Variants in KRAS observed in about 807,000 individuals in gnomAD.
The protein encoded by KRAS is KRas proto-oncogene, GTPase, also known as GTPase KRas.
Under a neutral mutation model 21.0 loss-of-function variants are expected in KRAS, and 1 was observed. The observed-to-expected ratio is 0.05, with a 90% confidence interval of 0.02 to 0.23. The LOEUF (loss-of-function observed/expected upper bound fraction) is 0.23. Among genes scored for constraint, KRAS ranks in the 10% least tolerant of loss-of-function variants. The pLI is 1.00. For missense variants in KRAS, 107 were observed against 221.8 expected (o/e 0.48, Z 3.29); for synonymous variants, 67 against 72.5 (o/e 0.92, Z 0.39).
Position 25,249,984 on chromosome 12 carries a change from T to C in KRAS, c.-12+767A>G, listed in dbSNP as rs550341219. Among the ~76,000 whole-genome samples the C allele has an allele frequency of 9.9e-5, 15 of 152,282 alleles. No homozygotes were observed. The South Asian group carries it at 2.3e-3, about 23-fold the overall frequency. On this transcript the variant is annotated intron_variant, in intron 1 of 4. Coordinates refer to ENST00000311936, the MANE Select transcript of KRAS (RefSeq NM_004985.5). The stretch of plus-strand genomic sequence containing the variant: ...CACTGTAGGTCACAGGCTCTACGTG[T>C]AGGGTGTTGGCCACCTGTTCTTCCA...
chr12:25,244,995 G>A (rs1432910098), intron 2 of KRAS, among the ~76,000 whole-genome samples: 1 of 152,098 alleles, frequency 6.6e-6, no homozygotes, highest in Non-Finnish European at 1.5e-5. Context: ...TTTAGGTCCA[G>A]ATAGGATACA....
chr12:25,219,778 T>G (rs1951298792), intron 4 of KRAS, among the ~76,000 whole-genome samples: 1 of 152,210 alleles, frequency 6.6e-6, no homozygotes, highest in Non-Finnish European at 1.5e-5. Context: ...GCACAGTAAC[T>G]GTTCCGTCAA....
At chr12:25,225,797 G>T in intron 3 of KRAS, 24 bp from the exon 4 acceptor site, 1 of 1,603,808 alleles carries the variant, frequency 6.2e-7, no homozygotes, top group African/African-American at 1.3e-5. Context: ...AAAAGTTATA[G>T]CACAGTCATT....
chr12:25,237,273 G>A (rs1388228919), intron 2 of KRAS, among the ~76,000 whole-genome samples: 1 of 152,102 alleles, frequency 6.6e-6, no homozygotes, highest in Admixed American at 6.5e-5. Context: ...AATGGATGTG[G>A]GACTTTTGGG....
intron 2 of KRAS, among the ~76,000 whole-genome samples, chr12:25,239,156 ATTTAT>A (rs1951578745): frequency 6.6e-6 from 1 of 152,082 alleles, no homozygotes; most frequent in Non-Finnish European, 1.5e-5. Context: ...TGTTCATGTT[ATTTAT>A]TTTATTTCTT....
intron 2 of KRAS, among the ~76,000 whole-genome samples, chr12:25,233,635 T>C (rs895675813): frequency 2.6e-5 from 4 of 152,236 alleles, no homozygotes; most frequent in Non-Finnish European, 5.9e-5. Context: ...CTTCATAGCA[T>C]GTATTATAAT....
intron 2 of KRAS, among the ~76,000 whole-genome samples, chr12:25,236,649 G>C (rs749480783): frequency 7.9e-5 from 12 of 152,190 alleles, no homozygotes; most frequent in East Asian, 7.7e-4. Context: ...AGAGAAGAAG[G>C]GGGAGGGAGG....
intron 1 of KRAS, among the ~76,000 whole-genome samples, chr12:25,247,380 C>G (rs146935016): frequency 3.9e-5 from 6 of 152,172 alleles, no homozygotes; most frequent in South Asian, 2.1e-4. Context: ...GTATCACACA[C>G]GGTCACGGCA....
chr12:25,229,765 T>C (rs547927894), intron 2 of KRAS, among the ~76,000 whole-genome samples: 8 of 116,104 alleles, frequency 6.9e-5, no homozygotes, highest in Non-Finnish European at 1.7e-5. Flanking sequence ...ATAGTATTAA[T>C]GTATCTTTTT....
chr12:25,227,186 C>T (rs2141509000), intron 3 of KRAS, 48 bp downstream of exon 3: 3 of 1,421,616 alleles, frequency 2.1e-6, no homozygotes, highest in Non-Finnish European at 3.0e-6. Flanking sequence ...AAAATAAAAA[C>T]TATAATTACT....
chr12:25,209,282 C>T lies in KRAS; in HGVS notation c.*513G>A, dbSNP rs917755335. The T allele has an allele frequency of 1.5e-5, 10 of 656,978 alleles. 1 individual carries two copies. Among genetic ancestry groups the T allele is most frequent in the South Asian group, 8.9e-5 (5 of 56,400 alleles). The allele number at this position is 656,978 out of a possible 1,614,324, so 40.7% of individuals were successfully genotyped here. On this transcript the variant is annotated 3_prime_UTR_variant, in exon 5 of 5. Transcript: ENST00000311936. ...TTTGTGAACAGTGTAACTTTACATT[C>T]ATCAGGGATGACAAACTATAGGACA...
At position 25,209,346 on chromosome 12, in the gene KRAS, TTG is replaced by T; in HGVS notation, c.*447_*448del. On this transcript the variant is annotated 3_prime_UTR_variant, in exon 5 of 5. Coordinates refer to ENST00000311936, the MANE Select transcript of KRAS (RefSeq NM_004985.5). ...AATCATCATCAGGAAGCCCATAAAT[TTG>T]TGTTCCCTCAATGTTTCAGTAAAAA... 1.7e-6 allele frequency: 1 copy of T among 604,128 alleles called. No homozygotes were observed. Among genetic ancestry groups the T allele is most frequent in the East Asian group, 2.9e-5 (1 of 34,260 alleles). The allele number at this position is 604,128 out of a possible 1,614,324, so 37.4% of individuals were successfully genotyped here.
intron 2 of KRAS, among the ~76,000 whole-genome samples, chr12:25,228,666 A>G (rs1017730851): frequency 1.3e-5 from 2 of 152,192 alleles, no homozygotes; most frequent in Admixed American, 6.5e-5. Context: ...GGGATGATAA[A>G]AAAAAGTTCT....
chr12:25,222,901 A>G (rs1024814713), intron 4 of KRAS, among the ~76,000 whole-genome samples: 1 of 152,204 alleles, frequency 6.6e-6, no homozygotes, highest in Non-Finnish European at 1.5e-5. Context: ...AGAAGTGGAC[A>G]GCAACAAAGT....
At chr12:25,229,778 T>C (rs1951441732) in intron 2 of KRAS, among the ~76,000 whole-genome samples, 1 of 151,790 alleles carries the variant, frequency 6.6e-6, no homozygotes. Flanking sequence ...ATCTTTTTTT[T>C]TTTTTTTTGA....
At chr12:25,241,937 T>C (rs1237211730) in intron 2 of KRAS, among the ~76,000 whole-genome samples, 1 of 152,210 alleles carries the variant, frequency 6.6e-6, no homozygotes, top group African/African-American at 2.4e-5. Context: ...CTTATACCAG[T>C]CTTCAGTATC....
chr12:25,225,347 A>G (rs1452339935), intron 4 of KRAS: 11 of 203,216 alleles, frequency 5.4e-5, no homozygotes, highest in Admixed American at 2.4e-4. Flanking sequence ...TAACCATGGG[A>G]AAAAAAAATC....
In KRAS at chr12:25,245,388, C is replaced by T. The variant is rs1273853142; in HGVS notation, c.-4G>A. 1.2e-6 allele frequency: 2 copies of T among 1,608,156 alleles called. No homozygotes were observed. Among genetic ancestry groups the T allele is most frequent in the Non-Finnish European group, 1.7e-6 (2 of 1,176,314 alleles). ...CCACAAGTTTATATTCAGTCATTTT[C>T]AGCAGGCCTTATAATAAAAATAATG... On this transcript the variant is annotated 5_prime_UTR_variant, in exon 2 of 5. Transcript: ENST00000311936.
intron 4 of KRAS, among the ~76,000 whole-genome samples, chr12:25,220,393 A>T (rs1951305258): frequency 6.6e-6 from 1 of 152,220 alleles, no homozygotes; most frequent in Non-Finnish European, 1.5e-5. Flanking sequence ...TTAAAATTAT[A>T]AGTTATTAAG....
Sources: allele counts gnomAD v4.1 joint callset (sites outside exome capture counted in the v4.1 genomes callset), GRCh38; gene constraint gnomAD v4.1.1; transcripts MANE v1.5; gene names NCBI Gene and HGNC (gene_info 2026-07-23, HGNC 2026-07-21).